MAGI2: variants seen among roughly 807,000 people sequenced by gnomAD.
The protein encoded by MAGI2 is membrane associated guanylate kinase, WW and PDZ domain containing 2, also known as membrane-associated guanylate kinase, WW and PDZ domain-containing protein 2.
In MAGI2, 35 loss-of-function variants were observed where a neutral mutation model predicts 133.3. The observed-to-expected ratio is 0.26, with a 90% CI of 0.20 to 0.35. The LOEUF (loss-of-function observed/expected upper bound fraction) is 0.35, where lower values mean the gene tolerates loss of function less well. Among genes scored for constraint, MAGI2 ranks in the 10% least tolerant of loss-of-function variants. MAGI2 has a pLI of 1.00. For synonymous variants in MAGI2, 729 were observed against 710.6 expected (o/e 1.03, Z -0.41); for missense variants, 1,636 against 1,863.4 (o/e 0.88, Z 2.25).
intron 1 of MAGI2, among the ~76,000 whole-genome samples, chr7:79,378,930 A>ATATGTGTG (rs1554465169): frequency 3.4e-4 from 10 of 29,774 alleles, no homozygotes; most frequent in African/African-American, 1.3e-3. Flanking sequence ...GTGTGTGTAT[A>ATATGTGTG]TATATATATA....
intron 4 of MAGI2, among the ~76,000 whole-genome samples, chr7:78,517,400 G>A (rs1022651470): frequency 6.6e-6 from 1 of 152,104 alleles, no homozygotes; most frequent in African/African-American, 2.4e-5. Context: ...ATGGTTAACA[G>A]TTCTGGGACA....
At chr7:78,265,984 C>T (rs868690613) in intron 9 of MAGI2, among the ~76,000 whole-genome samples, 6 of 152,122 alleles carry the variant, frequency 3.9e-5, no homozygotes, top group South Asian at 4.1e-4. Flanking sequence ...GTTTATTCTA[C>T]TCTACCCGCA....
Position 78,816,180 on chromosome 7 carries a change from C to A in MAGI2, c.419-188941G>T, listed in dbSNP as rs75562959. ...CAGCTACATTTGCTGAAATCAAAGC[C>A]TAATCCAGAGCAAAACTCTAACTCT... is the stretch of plus-strand genomic sequence containing the variant. On this transcript the variant is annotated intron_variant, in intron 2 of 21. Coordinates refer to ENST00000354212, the MANE Select transcript of MAGI2 (RefSeq NM_012301.4). 3.9e-5 allele frequency among the ~76,000 whole-genome samples: 6 copies of A among 152,292 alleles called. No individual in the cohort carries two copies. In the East Asian group the frequency reaches 1.2e-3, roughly 29 times the overall value.
intron 2 of MAGI2, among the ~76,000 whole-genome samples, chr7:78,706,983 A>T (rs889393148): frequency 1.3e-5 from 2 of 152,114 alleles, no homozygotes; most frequent in East Asian, 3.9e-4. Flanking sequence ...CCAGAAGTAC[A>T]TTTCAGCCTC....
intron 14 of MAGI2, among the ~76,000 whole-genome samples, chr7:78,175,936 A>C (rs976664052): frequency 2.0e-5 from 3 of 152,288 alleles, no homozygotes; most frequent in Admixed American, 2.0e-4. Context: ...TATCCTGCGG[A>C]GGTCAGGAGG....
chr7:79,130,920 CAT>C (rs1820883852), intron 1 of MAGI2, among the ~76,000 whole-genome samples: 3 of 152,064 alleles, frequency 2.0e-5, no homozygotes, highest in Admixed American at 1.3e-4. Context: ...TTCATTCATT[CAT>C]TCATTCATTC....
intron 3 of MAGI2, among the ~76,000 whole-genome samples, chr7:78,534,909 T>C (rs1584530371): frequency 6.6e-6 from 1 of 151,816 alleles, no homozygotes; most frequent in Admixed American, 6.6e-5. Flanking sequence ...CTGAGGCAGG[T>C]GGATCATGAG....
At chr7:78,957,140 T>A (rs943673303) in intron 2 of MAGI2, among the ~76,000 whole-genome samples, 4 of 151,536 alleles carry the variant, frequency 2.6e-5, no homozygotes, top group Non-Finnish European at 4.4e-5. Context: ...GGTGGTCACC[T>A]GTAGTCCCAG....
chr7:78,332,557 GTGT>G (rs1026786718), intron 9 of MAGI2, among the ~76,000 whole-genome samples: 2 of 152,188 alleles, frequency 1.3e-5, no homozygotes, highest in African/African-American at 4.8e-5. Context: ...AATTAGTCTG[GTGT>G]TGTGGCGGGC....
At chr7:78,998,109 A>G (rs1275067052) in intron 2 of MAGI2, among the ~76,000 whole-genome samples, 1 of 152,196 alleles carries the variant, frequency 6.6e-6, no homozygotes, top group African/African-American at 2.4e-5. Flanking sequence ...TTATGATGGC[A>G]TCCTTAACTT....
chr7:79,339,105 G>A (rs867218970), intron 1 of MAGI2, among the ~76,000 whole-genome samples: 14 of 152,094 alleles, frequency 9.2e-5, no homozygotes, highest in African/African-American at 2.7e-4. Context: ...ATGTTTTGCC[G>A]TAAGTTATTT....
chr7:78,131,317 T>G, intron 18 of MAGI2, among the ~76,000 whole-genome samples: 1 of 152,208 alleles, frequency 6.6e-6, no homozygotes, highest in Admixed American at 6.5e-5. Flanking sequence ...TTTAAAAACA[T>G]AAGCAGCTGA....
intron 2 of MAGI2, among the ~76,000 whole-genome samples, chr7:78,735,417 A>G (rs1369688185): frequency 6.6e-6 from 1 of 152,204 alleles, no homozygotes; most frequent in Non-Finnish European, 1.5e-5. Context: ...AGGAAAAAAT[A>G]AATTTACTAA....
chr7:78,400,543 C>G (rs986171719), intron 6 of MAGI2, among the ~76,000 whole-genome samples: 1 of 152,064 alleles, frequency 6.6e-6, no homozygotes, highest in Non-Finnish European at 1.5e-5. Flanking sequence ...TTTTTATTCA[C>G]ACAATTTTTT....
At chr7:79,087,157 T>G (rs575138762) in intron 1 of MAGI2, among the ~76,000 whole-genome samples, 84 of 152,012 alleles carry the variant, frequency 5.5e-4, no homozygotes, top group African/African-American at 1.9e-3. Context: ...AATTTCAGAA[T>G]AGTTTCCTCA....
At chr7:78,486,694 C>A in intron 6 of MAGI2, 1 of 395,064 alleles carries the variant, frequency 2.5e-6, no homozygotes, top group Non-Finnish European at 5.0e-6. Flanking sequence ...ATGGTTCCAA[C>A]TGGAGTCCAG....
At chr7:79,015,276 A>G (rs7807319) in intron 1 of MAGI2, among the ~76,000 whole-genome samples, 102,366 of 151,704 alleles carry the variant, frequency 0.67, 34,699 homozygotes, top group Non-Finnish European at 0.7. Context: ...GCAACACAGT[A>G]AGACCCCATC....
chr7:78,847,160 T>A (rs1792691997), intron 2 of MAGI2, among the ~76,000 whole-genome samples: 1 of 151,986 alleles, frequency 6.6e-6, no homozygotes, highest in Non-Finnish European at 1.5e-5. Context: ...AATAATAAAA[T>A]CAAAAGTAAT....
intron 1 of MAGI2, among the ~76,000 whole-genome samples, chr7:79,138,678 G>A (rs1821823260): frequency 6.6e-6 from 1 of 152,044 alleles, no homozygotes; most frequent in South Asian, 2.1e-4. Flanking sequence ...TAAGGGTGGG[G>A]CCATAATCCA....
Sources: gnomAD v4.1 joint callset for allele counts (sites outside exome capture counted in the v4.1 genomes callset) on GRCh38, gnomAD v4.1.1 for gene constraint, MANE v1.5 for transcripts, NCBI Gene and HGNC (gene_info 2026-07-23, HGNC 2026-07-21) for gene names.